Variants in CCSER1 observed in about 807,000 individuals in gnomAD.
CCSER1 encodes coiled-coil serine rich protein 1, also known as serine-rich coiled-coil domain-containing protein 1.
In CCSER1, 41 loss-of-function variants were observed where a neutral mutation model predicts 82.0. The observed-to-expected ratio is 0.50, with a 90% CI of 0.39 to 0.65. The LOEUF is 0.65. Ranked by LOEUF, CCSER1 falls within the 30% of genes least tolerant of loss-of-function variation. CCSER1 has a pLI of 0.00. For missense variants in CCSER1, 1,119 were observed against 1,064.2 expected (o/e 1.05, Z -0.72); for synonymous variants, 414 against 383.9 (o/e 1.08, Z -0.92).
intron 10 of CCSER1, among the ~76,000 whole-genome samples, chr4:91,430,962 C>A (rs908357963): frequency 6.6e-6 from 1 of 152,156 alleles, no homozygotes; most frequent in Non-Finnish European, 1.5e-5. Context: ...CTTGGCCGGG[C>A]GTGGTGGCTC....
intron 6 of CCSER1, among the ~76,000 whole-genome samples, chr4:90,706,664 A>G (rs1453081329): frequency 1.3e-5 from 2 of 152,232 alleles, no homozygotes; most frequent in African/African-American, 4.8e-5. Context: ...AAAATGAAGT[A>G]AACCGTTGAT....
chr4:90,620,672 A>G (rs1353769913), intron 5 of CCSER1, among the ~76,000 whole-genome samples: 1 of 152,224 alleles, frequency 6.6e-6, no homozygotes, highest in Non-Finnish European at 1.5e-5. Context: ...TTCCCCTTCA[A>G]GTAAAAGACA....
At chr4:90,211,925 G>A (rs1048404688) in intron 1 of CCSER1, among the ~76,000 whole-genome samples, 1 of 152,096 alleles carries the variant, frequency 6.6e-6, no homozygotes. Context: ...CGGAAACACA[G>A]AATACTTCTT....
intron 8 of CCSER1, among the ~76,000 whole-genome samples, chr4:90,828,153 G>C (rs180733498): frequency 2.6e-5 from 4 of 152,062 alleles, no homozygotes; most frequent in African/African-American, 7.2e-5. Context: ...GCCAGATAAG[G>C]GGAGCTCTGA....
At chr4:91,184,926 A>G (rs1301141907) in intron 10 of CCSER1, among the ~76,000 whole-genome samples, 1 of 152,220 alleles carries the variant, frequency 6.6e-6, no homozygotes, top group Non-Finnish European at 1.5e-5. Context: ...TACAGAAGTT[A>G]TAATTGGTTG....
At chr4:91,422,171 AC>A (rs1191092625) in intron 10 of CCSER1, among the ~76,000 whole-genome samples, 1 of 151,934 alleles carries the variant, frequency 6.6e-6, no homozygotes, top group East Asian at 1.9e-4. Context: ...AGATAATAAA[AC>A]TTTTGTTGTT....
At chr4:90,842,170 T>C (rs1762651868) in intron 8 of CCSER1, among the ~76,000 whole-genome samples, 1 of 152,216 alleles carries the variant, frequency 6.6e-6, no homozygotes, top group South Asian at 2.1e-4. Flanking sequence ...AAAACATCTT[T>C]AAACAAAGCA....
At chr4:90,813,901 C>T (rs1243483908) in intron 7 of CCSER1, among the ~76,000 whole-genome samples, 1 of 152,140 alleles carries the variant, frequency 6.6e-6, no homozygotes, top group African/African-American at 2.4e-5. Flanking sequence ...CTAAGCAGTG[C>T]CCCAGTGGGG....
intron 4 of CCSER1, among the ~76,000 whole-genome samples, chr4:90,464,954 G>A (rs17017046): frequency 0.031 from 4,720 of 152,236 alleles, 148 homozygotes; most frequent in African/African-American, 0.085. Flanking sequence ...TGATTCAAAT[G>A]TCACATCAGC....
chr4:91,330,377 T>C (rs1746863020), intron 10 of CCSER1, among the ~76,000 whole-genome samples: 1 of 152,150 alleles, frequency 6.6e-6, no homozygotes, highest in Non-Finnish European at 1.5e-5. Context: ...GTGCTTCAAG[T>C]CACCGATCAC....
intron 10 of CCSER1, among the ~76,000 whole-genome samples, chr4:91,189,665 T>A (rs1357848694): frequency 1.3e-5 from 2 of 152,118 alleles, no homozygotes; most frequent in East Asian, 3.8e-4. Flanking sequence ...CTAGTACTGT[T>A]TTGTTTTTCT....
At chr4:91,293,942 G>A (rs780046836) in intron 10 of CCSER1, among the ~76,000 whole-genome samples, 4 of 151,854 alleles carry the variant, frequency 2.6e-5, no homozygotes, top group Non-Finnish European at 5.9e-5. Flanking sequence ...CTTTCCTCTG[G>A]CCTTTCAGGA....
At chr4:91,525,408 G>T (rs1302623243) in intron 10 of CCSER1, among the ~76,000 whole-genome samples, 1 of 151,966 alleles carries the variant, frequency 6.6e-6, no homozygotes, top group Non-Finnish European at 1.5e-5. Flanking sequence ...TTATTTTTTG[G>T]GCTGACAGAC....
At chr4:90,557,337 T>C (rs1423488341) in intron 5 of CCSER1, among the ~76,000 whole-genome samples, 1 of 152,046 alleles carries the variant, frequency 6.6e-6, no homozygotes, top group Non-Finnish European at 1.5e-5. Context: ...CAGCAGTCTT[T>C]GGAGAATGGA....
intron 6 of CCSER1, among the ~76,000 whole-genome samples, chr4:90,702,419 T>A (rs1482494257): frequency 7.2e-5 from 11 of 152,198 alleles, no homozygotes. Context: ...TCAGGGATAT[T>A]GGTCTAAAAT....
At chr4:91,105,212 G>T (rs1581564790) in intron 10 of CCSER1, among the ~76,000 whole-genome samples, 1 of 151,402 alleles carries the variant, frequency 6.6e-6, no homozygotes, top group African/African-American at 2.5e-5. Flanking sequence ...ACATTAGGAG[G>T]TCCTGGGGGA....
At chr4:91,309,463 G>A (rs750690942) in intron 10 of CCSER1, among the ~76,000 whole-genome samples, 22 of 151,952 alleles carry the variant, frequency 1.4e-4, no homozygotes, top group Admixed American at 6.6e-4. Context: ...CATACAATCC[G>A]TTTGCTAGTA....
intron 1 of CCSER1, among the ~76,000 whole-genome samples, chr4:90,167,646 C>T (rs1195914608): frequency 6.6e-6 from 1 of 151,700 alleles, no homozygotes; most frequent in Non-Finnish European, 1.5e-5. Context: ...CACAACAGGC[C>T]CCGGTGTGTG....
chr4:90,749,413 C>T (rs1462614809), intron 7 of CCSER1, among the ~76,000 whole-genome samples: 1 of 151,672 alleles, frequency 6.6e-6, no homozygotes, highest in Non-Finnish European at 1.5e-5. Flanking sequence ...GTTTTGGTAC[C>T]AGTACCATGC....
Sources: allele counts gnomAD v4.1 joint callset (sites outside exome capture counted in the v4.1 genomes callset), GRCh38; gene constraint gnomAD v4.1.1; transcripts MANE v1.5; gene names NCBI Gene and HGNC (gene_info 2026-07-23, HGNC 2026-07-21).